The following NTRK2 variants were observed in gnomAD, a reference collection of about 807,000 sequenced individuals.
NTRK2 encodes neurotrophic receptor tyrosine kinase 2.
A neutral mutation model predicts 94.5 loss-of-function variants in NTRK2; 13 were observed. That is an observed-to-expected ratio of 0.14 (90% CI 0.09 to 0.22). The LOEUF (loss-of-function observed/expected upper bound fraction) is 0.22. NTRK2 is among the 10% of genes least tolerant of loss of function. The pLI is 1.00. For missense variants in NTRK2, 639 were observed against 1,071.2 expected (o/e 0.60, Z 5.63); for synonymous variants, 372 against 407.4 (o/e 0.91, Z 1.05).
chr9:84,803,146 A>G (rs2070702065), intron 12 of NTRK2, among the ~76,000 whole-genome samples: 1 of 152,188 alleles, frequency 6.6e-6, no homozygotes, highest in Non-Finnish European at 1.5e-5. Flanking sequence ...CCTGCTGTGG[A>G]GGAGAGGCAC....
intron 13 of NTRK2, among the ~76,000 whole-genome samples, chr9:84,863,989 A>G: frequency 6.6e-6 from 1 of 152,176 alleles, no homozygotes; most frequent in South Asian, 2.1e-4. Context: ...TTAGGAAAGG[A>G]AAGGGTATCC....
intron 14 of NTRK2, among the ~76,000 whole-genome samples, chr9:84,909,001 T>C (rs573222844): frequency 4.6e-5 from 7 of 152,280 alleles, no homozygotes; most frequent in African/African-American, 1.4e-4. Context: ...GCTATGATAT[T>C]GACATTCATA....
In NTRK2 at chr9:84,688,096, G is replaced by A. The variant is rs181181694; in HGVS notation, c.213-14063G>A. ...TCCAAGGAAAAGGCCTGCTCAGGCC[G>A]TAGGAGTGGACTCAGGGTCTTTGAG... On this transcript the variant is annotated intron_variant, in intron 2 of 18. Transcript: ENST00000277120. Among the ~76,000 whole-genome samples the A allele has an allele frequency of 1.4e-4, 22 of 152,334 alleles. No homozygotes were observed. In the East Asian group the frequency reaches 2.7e-3, roughly 19 times the overall value.
At chr9:85,005,200 A>C (rs1424269713) in intron 17 of NTRK2, among the ~76,000 whole-genome samples, 1 of 151,942 alleles carries the variant, frequency 6.6e-6, no homozygotes, top group Non-Finnish European at 1.5e-5. Context: ...AGAGGAAGAG[A>C]CTCCCTCCTG....
intron 12 of NTRK2, among the ~76,000 whole-genome samples, chr9:84,754,138 T>C (rs1564194392): frequency 6.6e-6 from 1 of 152,216 alleles, no homozygotes; most frequent in Non-Finnish European, 1.5e-5. Flanking sequence ...TTTCTGAGTA[T>C]AACCTGAGGG....
In NTRK2 at chr9:84,670,506, C is replaced by T; in HGVS notation, c.-243C>T. The T allele has an allele frequency of 1.8e-6, 1 of 553,330 alleles. No individual in the cohort carries two copies. Among genetic ancestry groups the T allele is most frequent in the Non-Finnish European group, 3.3e-6 (1 of 307,454 alleles). 34.3% of individuals were successfully genotyped at this position (553,330 alleles called of 1,614,324 possible). The stretch of plus-strand genomic sequence containing the variant: ...GCGACGGCCGCCGCGGAGCTCCGAG[C>T]AGCGGTAGCGCCCCCCTGTAAAGCG... On this transcript the variant is annotated 5_prime_UTR_variant, in exon 2 of 19. The change creates a premature stop within an existing upstream ORF in the 5' untranslated region. Transcript: ENST00000277120.
chr9:84,845,945 A>G lies in NTRK2; in HGVS notation c.1397-15095A>G, dbSNP rs963020510. Among the ~76,000 whole-genome samples the G allele has an allele frequency of 6.6e-5, 10 of 152,102 alleles. 1 individual carries two copies. Among genetic ancestry groups the G allele is most frequent in the African/African-American group, 2.4e-4 (10 of 41,514 alleles). On this transcript the variant is annotated intron_variant, in intron 12 of 18. Coordinates refer to ENST00000277120, the MANE Select transcript of NTRK2 (RefSeq NM_006180.6). ...AAATTTGAAAAAAAAAAAAGAAGCC[A>G]TAAAGTGTTACAGAATGCTAAGGAA...
At chr9:84,730,181 GT>G (rs1292545268) in intron 9 of NTRK2, among the ~76,000 whole-genome samples, 2 of 152,110 alleles carry the variant, frequency 1.3e-5, no homozygotes, top group African/African-American at 2.4e-5. Flanking sequence ...AGAAAAGCCC[GT>G]TTTTTTGTTC....
chr9:84,771,440 G>A (rs998669652), intron 12 of NTRK2, among the ~76,000 whole-genome samples: 1 of 152,166 alleles, frequency 6.6e-6, no homozygotes, highest in African/African-American at 2.4e-5. Flanking sequence ...TGGCAATGAT[G>A]GCATGGCCAT....
intron 17 of NTRK2, among the ~76,000 whole-genome samples, chr9:84,994,034 A>G (rs1335808163): frequency 6.6e-6 from 1 of 152,220 alleles, no homozygotes; most frequent in Non-Finnish European, 1.5e-5. Flanking sequence ...TTTTTATACA[A>G]GTTTTAAAGT....
At chr9:84,765,350 T>C (rs1286552278) in intron 12 of NTRK2, among the ~76,000 whole-genome samples, 1 of 152,030 alleles carries the variant, frequency 6.6e-6, no homozygotes, top group African/African-American at 2.4e-5. Context: ...CCCACAAAAA[T>C]TGAAAAACAA....
At chr9:84,845,176 T>C (rs1407308958) in intron 12 of NTRK2, among the ~76,000 whole-genome samples, 2 of 151,950 alleles carry the variant, frequency 1.3e-5, no homozygotes, top group Admixed American at 6.6e-5. Context: ...AACAGCAGAA[T>C]TTGCAGTTGC....
chr9:84,707,721 G>T, intron 4 of NTRK2, 123 bp from the exon 5 acceptor site: 1 of 727,266 alleles, frequency 1.4e-6, no homozygotes, highest in East Asian at 2.7e-5. Context: ...AGATCTGGAT[G>T]TAAGTAAAGC....
chr9:84,814,649 C>G (rs1167983307), intron 12 of NTRK2: 1 of 1,065,376 alleles, frequency 9.4e-7, no homozygotes, highest in African/African-American at 1.6e-5. Context: ...CTGTCTAGAA[C>G]TTCTCTCTTG....
intron 12 of NTRK2, among the ~76,000 whole-genome samples, chr9:84,777,464 C>T (rs2067160731): frequency 1.3e-5 from 2 of 152,166 alleles, no homozygotes; most frequent in Non-Finnish European, 2.9e-5. Flanking sequence ...CACAAAGAGC[C>T]TGAAACTTTC....
chr9:84,718,139 C>T (rs2061830711), intron 6 of NTRK2, among the ~76,000 whole-genome samples: 1 of 151,700 alleles, frequency 6.6e-6, no homozygotes. Context: ...TTCTATAAGA[C>T]ACACTTTGGG....
chr9:85,013,272 G>A (rs1461624239), intron 17 of NTRK2, among the ~76,000 whole-genome samples: 1 of 152,176 alleles, frequency 6.6e-6, no homozygotes, highest in Non-Finnish European at 1.5e-5. Context: ...AATGGCTCCA[G>A]GTTCTTCTCC....
chr9:84,923,615 A>G (rs949065387), intron 14 of NTRK2, among the ~76,000 whole-genome samples: 2 of 152,198 alleles, frequency 1.3e-5, no homozygotes, highest in Non-Finnish European at 2.9e-5. Flanking sequence ...TAAAGAAGTC[A>G]ATTAGAAAAC....
chr9:84,710,918 C>A, intron 6 of NTRK2, 127 bp downstream of exon 6: 1 of 875,916 alleles, frequency 1.1e-6, no homozygotes. Flanking sequence ...TCCAGTGACT[C>A]AGACAACATT....
Sources: gnomAD v4.1 joint callset for allele counts (sites outside exome capture counted in the v4.1 genomes callset) on GRCh38, gnomAD v4.1.1 for gene constraint, MANE v1.5 for transcripts, NCBI Gene and HGNC (gene_info 2026-07-23, HGNC 2026-07-21) for gene names.